Variants in DNAH17 observed in about 807,000 individuals in gnomAD.
DNAH17 encodes axonemal beta dynein heavy chain 17.
Under a neutral mutation model 485.6 loss-of-function variants are expected in DNAH17, and 376 were observed. The ratio of observed to expected loss-of-function variants is 0.77; its 90% CI spans 0.71 to 0.84. The LOEUF (loss-of-function observed/expected upper bound fraction) is 0.84. Among genes scored for constraint, DNAH17 ranks in the 40% least tolerant of loss-of-function variants. The pLI is 0.00. For synonymous variants in DNAH17, 3,031 were observed against 2,405.9 expected (o/e 1.26, Z -7.60); for missense variants, 6,370 against 5,839.3 (o/e 1.09, Z -2.96).
chr17:78,467,251 G>A (rs759908345), intron 55 of DNAH17, among the ~76,000 whole-genome samples: 2 of 152,214 alleles, frequency 1.3e-5, no homozygotes, highest in East Asian at 1.9e-4. Context: ...AAGGTGCTGT[G>A]GAGACAGGCC....
intron 37 of DNAH17, among the ~76,000 whole-genome samples, chr17:78,498,623 C>T (rs2090162051): frequency 6.6e-6 from 1 of 152,166 alleles, no homozygotes; most frequent in South Asian, 2.1e-4. Flanking sequence ...GGGCGCATTT[C>T]CTCCCTCCTC....
At position 78,574,805 on chromosome 17, in the gene DNAH17, C is replaced by T. The variant is rs745983884; in HGVS notation, c.253G>A (p.Glu85Lys). 51 of 1,613,864 alleles carry T rather than the reference C, an allele frequency of 3.2e-5. No homozygotes were observed. Among genetic ancestry groups the T allele is most frequent in the South Asian group, 6.6e-5 (6 of 91,074 alleles). Residue 85 changes from glutamate to lysine, a missense_variant, in exon 2 of 81, where the codon GAG (glutamate) becomes AAG (lysine). By Grantham distance (56) the Glu-to-Lys change is moderately conservative (BLOSUM62 1). Transcript: ENST00000389840. ...CTGTAGTTGTCCTTGTTGATGTTCT[C>T]GGACTTTGTCTTGATGAAGTAAACC... Reference protein sequence around the residue: ...KGVYFIKTKSENINKDNYRAR... With the variant: ...KGVYFIKTKSKNINKDNYRAR...
chr17:78,526,761 CAG>C lies in DNAH17; in HGVS notation c.3625-26_3625-25del, dbSNP rs758541028. The C allele has an allele frequency of 4.3e-5, 68 of 1,587,956 alleles. No individual in the cohort carries two copies. The African/African-American group carries it at 8.2e-4, about 19-fold the overall frequency. On this transcript the variant is annotated intron_variant, in intron 23 of 80. Transcript: ENST00000389840. ...AGCTGCGAGAGAAGAGTGCAAAGTACAGAGAGTCACGGGGCGGCCACCTGCCC... is the reference window on the plus strand; with the variant it reads ...AGCTGCGAGAGAAGAGTGCAAAGTACAGAGTCACGGGGCGGCCACCTGCCC...
chr17:78,517,547 C>T (rs2090820906), intron 25 of DNAH17, among the ~76,000 whole-genome samples: 1 of 152,216 alleles, frequency 6.6e-6, no homozygotes, highest in Non-Finnish European at 1.5e-5. Context: ...TATCTTTCTG[C>T]TGCCTAGGAG....
rs559465038 is a variant in DNAH17, at chr17:78,441,750, TG to T, written c.11529-552del. On this transcript the variant is annotated intron_variant, in intron 71 of 80. Transcript: ENST00000389840. ...CCTTTCTTCTGTGATCACAGAGGGCTGAGCTTACTGTAATGTATAAAGAATG... is the reference window on the plus strand; with the variant it reads ...CCTTTCTTCTGTGATCACAGAGGGCTAGCTTACTGTAATGTATAAAGAATG... Among the ~76,000 whole-genome samples, 376 of 152,256 alleles carry T rather than the reference TG, an allele frequency of 2.5e-3. 2 individuals carry two copies. The highest frequency in any genetic ancestry group is 8.4e-3 in the African/African-American group (348 of 41,554).
chr17:78,502,441 C>CGCTTT, intron 33 of DNAH17, 150 bp downstream of exon 33: 1 of 672,828 alleles, frequency 1.5e-6, no homozygotes, highest in East Asian at 2.9e-5. Context: ...GTTATTTGGC[C>CGCTTT]TGTGGAAACG....
intron 30 of DNAH17, among the ~76,000 whole-genome samples, chr17:78,505,934 C>T (rs1354861698): frequency 6.6e-6 from 1 of 151,964 alleles, no homozygotes; most frequent in Admixed American, 6.6e-5. Flanking sequence ...GCCGAGATCG[C>T]GCCATTGCAC....
chr17:78,518,411 T>G (rs1207769807), intron 25 of DNAH17, among the ~76,000 whole-genome samples: 1 of 152,182 alleles, frequency 6.6e-6, no homozygotes, highest in Non-Finnish European at 1.5e-5. Context: ...AAAGGAACAT[T>G]ACATAATGGG....
intron 48 of DNAH17, among the ~76,000 whole-genome samples, chr17:78,481,031 G>A (rs954230142): frequency 1.8e-4 from 28 of 151,740 alleles, no homozygotes; most frequent in Admixed American, 1.6e-3. Flanking sequence ...TCCTAACCTC[G>A]TGATGCGCCC....
At chr17:78,490,526 A>G (rs2146668228) in intron 44 of DNAH17, among the ~76,000 whole-genome samples, 173 bp downstream of exon 44, 1 of 144,292 alleles carries the variant, frequency 6.9e-6, no homozygotes, top group African/African-American at 2.6e-5. Context: ...GTGAATTTAC[A>G]CCATTTATTC....
rs936862265 is a variant in DNAH17 at position 78,490,640 on chromosome 17, CCAA to C, written c.6818+56_6818+58del. On this transcript the variant is annotated intron_variant, in intron 44 of 80. Transcript: ENST00000389840. ...AATGAATATGCAACTCTGAAACAGG[CCAA>C]CAAGTTCGTTTTTCCCTGCCGAGGT... is the stretch of plus-strand genomic sequence containing the variant. 3.8e-4 allele frequency: 579 copies of C among 1,542,458 alleles called. No homozygotes were observed. In the African/African-American group the frequency reaches 5.7e-3, roughly 15 times the overall value.
chr17:78,427,108 C>G lies in DNAH17; in HGVS notation c.12589G>C (p.Val4197Leu). 1 of 1,568,336 alleles carries G rather than the reference C, an allele frequency of 6.4e-7. No homozygotes were observed. Among genetic ancestry groups the G allele is most frequent in the Non-Finnish European group, 8.6e-7 (1 of 1,156,906 alleles). ...AGTGVSREEKVKAVLDDILEK... is the reference protein window; with the variant it reads ...AGTGVSREEKLKAVLDDILEK... ...AGGATGTCGTCCAGCACGGCCTTCA[C>G]CTGGAAGCCAGTCCCCGGACAGCCC... Residue 4197 changes from valine (V) to leucine (L), a missense_variant and splice_region_variant, in exon 78 of 81, where the codon GTG becomes CTG. Transcript: ENST00000389840.
rs368301243 is a variant in DNAH17 at position 78,468,781 on chromosome 17, T to C, written c.8614A>G (p.Ile2872Val). Residue 2872 changes from isoleucine (I) to valine (V), a missense_variant, in exon 55 of 81, where the codon ATC becomes GTC. Coordinates refer to ENST00000389840, the MANE Select transcript of DNAH17 (RefSeq NM_173628.4). ...TCTCCTGAGGCCAGCAGGTCATTGA[T>C]CAGCACCAGAAACTGCTCCTCGGCC... ...QVAEEQFLVL[I>V]NDLLASGEIP... 30 of 1,613,928 alleles carry C rather than the reference T, an allele frequency of 1.9e-5. No individual in the cohort carries two copies. The African/African-American group carries it at 4.0e-4, about 22-fold the overall frequency.
chr17:78,534,347 G>A lies in DNAH17; in HGVS notation c.2860-1611C>T, dbSNP rs575280251. On this transcript the variant is annotated intron_variant, in intron 19 of 80. Coordinates refer to ENST00000389840, the MANE Select transcript of DNAH17 (RefSeq NM_173628.4). ...GAAACGGTGTAATTGAGGAGGTGAA[G>A]TCAGTGGGGCTGGGATGGAAGGGGA... Among the ~76,000 whole-genome samples, 8 of 152,354 alleles carry A rather than the reference G, an allele frequency of 5.3e-5. No homozygotes were observed. In the East Asian group the frequency reaches 1.2e-3, roughly 22 times the overall value.
intron 75 of DNAH17, among the ~76,000 whole-genome samples, chr17:78,431,457 C>CA (rs1555650015): frequency 6.7e-6 from 1 of 148,200 alleles, no homozygotes; most frequent in Non-Finnish European, 1.5e-5. Flanking sequence ...AACCCCCCAC[C>CA]CCGAGACTCC....
chr17:78,552,870 G>C, intron 14 of DNAH17, 65 bp from the exon 15 acceptor site: 1 of 1,173,406 alleles, frequency 8.5e-7, no homozygotes, highest in Non-Finnish European at 1.3e-6. Flanking sequence ...TCTCTGGTAA[G>C]GACCTTTTAT....
chr17:78,472,257 T>C, intron 54 of DNAH17, among the ~76,000 whole-genome samples: 1 of 146,964 alleles, frequency 6.8e-6, no homozygotes, highest in Non-Finnish European at 1.5e-5. Context: ...GGTGCGAGGG[T>C]TAGGGTTAGG....
At chr17:78,478,683 T>C (rs1468691810) in intron 51 of DNAH17, among the ~76,000 whole-genome samples, 3 of 140,120 alleles carry the variant, frequency 2.1e-5, no homozygotes, top group Admixed American at 7.0e-5. Flanking sequence ...ACCACCATCA[T>C]CACAATTATT....
Position 78,461,620 on chromosome 17 carries a change from C to T in DNAH17, c.9263G>A (p.Gly3088Asp), listed in dbSNP as rs139755402. 1.7e-4 allele frequency: 276 copies of T among 1,609,828 alleles called. 2 individuals carry two copies. The highest frequency in any genetic ancestry group is 1.6e-4 in the Middle Eastern group (1 of 6,076). ...ESADQLIQVV[G>D]IEAEKVSKEK... ...TTTGCTGACCTTCTCGGCCTCGATG[C>T]CGACCACCTGGATCAGTTGGTCTGC... is the stretch of plus-strand genomic sequence containing the variant. Residue 3088 changes from glycine (G) to aspartate (D), a missense_variant, in exon 58 of 81, where the codon GGC becomes GAC. Transcript: ENST00000389840.
Sources: gnomAD v4.1 joint callset for allele counts (sites outside exome capture counted in the v4.1 genomes callset) on GRCh38, gnomAD v4.1.1 for gene constraint, MANE v1.5 for transcripts, NCBI Gene and HGNC (gene_info 2026-07-23, HGNC 2026-07-21) for gene names.